The following GPAT3 variants were observed in gnomAD, a reference collection of about 807,000 sequenced individuals.
GPAT3 encodes the protein 1-AGP acyltransferase 9.
In GPAT3, 53 loss-of-function variants were observed where a neutral mutation model predicts 58.8. The observed-to-expected ratio is 0.90, with a 90% confidence interval of 0.72 to 1.13. The LOEUF (loss-of-function observed/expected upper bound fraction) is 1.13, where lower values mean the gene tolerates loss of function less well. Among genes scored for constraint, GPAT3 ranks in the 50% most tolerant of loss-of-function variants. The probability of loss-of-function intolerance (pLI) is 0.00; values close to 1 mark genes in which losing one functional copy is unlikely to be tolerated. For synonymous variants in GPAT3, 197 were observed against 187.4 expected (o/e 1.05, Z -0.42); for missense variants, 511 against 527.6 (o/e 0.97, Z 0.31).
chr4:83,536,959 G>T (rs1047690189), intron 1 of GPAT3, among the ~76,000 whole-genome samples, 196 bp downstream of exon 1: 1 of 152,224 alleles, frequency 6.6e-6, no homozygotes, highest in Non-Finnish European at 1.5e-5. Flanking sequence ...GAGGGATCTA[G>T]GCTGGAACCA....
intron 2 of GPAT3, among the ~76,000 whole-genome samples, chr4:83,580,380 A>G (rs1247667968): frequency 6.6e-6 from 1 of 152,162 alleles, no homozygotes; most frequent in East Asian, 1.9e-4. Flanking sequence ...ACATTATAGT[A>G]TTTGTTAATG....
intron 6 of GPAT3, among the ~76,000 whole-genome samples, chr4:83,591,735 A>G (rs1211652854): frequency 2.0e-5 from 3 of 152,142 alleles, no homozygotes; most frequent in Middle Eastern, 3.2e-3. Flanking sequence ...CTGTAATCCA[A>G]TCAGGTTAGG....
chr4:83,548,964 A>G (rs1724644340), intron 2 of GPAT3, among the ~76,000 whole-genome samples: 1 of 152,032 alleles, frequency 6.6e-6, no homozygotes, highest in South Asian at 2.1e-4. Flanking sequence ...TGACTACTTG[A>G]AATCCTGTAT....
intron 3 of GPAT3, among the ~76,000 whole-genome samples, chr4:83,583,248 C>T (rs1307697900): frequency 6.6e-6 from 1 of 151,498 alleles, no homozygotes; most frequent in Non-Finnish European, 1.5e-5. Flanking sequence ...GAGCTGTGAT[C>T]GTGCCACTGC....
Position 83,544,692 on chromosome 4 carries a change from A to C in GPAT3, c.208+90A>C, listed in dbSNP as rs995896255. The stretch of plus-strand genomic sequence containing the variant: ...TTTGAACTTGAAATATGCAGAGAGC[A>C]GTGTGTTCTATAGGGTTTGGATCTT... On this transcript the variant is annotated intron_variant, in intron 2 of 11. Coordinates refer to ENST00000264409, the MANE Select transcript of GPAT3 (RefSeq NM_032717.5). 1.6e-5 allele frequency: 20 copies of C among 1,245,640 alleles called. No individual in the cohort carries two copies. The African/African-American group carries it at 3.0e-4, about 19-fold the overall frequency. The allele number at this position is 1,245,640 out of a possible 1,614,324, so 77.2% of individuals were successfully genotyped here.
intron 2 of GPAT3, among the ~76,000 whole-genome samples, chr4:83,560,345 C>T (rs942120783): frequency 1.3e-5 from 2 of 152,194 alleles, no homozygotes; most frequent in East Asian, 3.8e-4. Context: ...GGTGGGTGGA[C>T]CTTGCCTCTG....
At chr4:83,579,679 A>G (rs1726033582) in intron 2 of GPAT3, among the ~76,000 whole-genome samples, 1 of 152,132 alleles carries the variant, frequency 6.6e-6, no homozygotes, top group Non-Finnish European at 1.5e-5. Context: ...CACACCTAAA[A>G]TCATAAAACA....
Position 83,555,561 on chromosome 4 carries a change from C to T in GPAT3, c.208+10959C>T, listed in dbSNP as rs551016127. On this transcript the variant is annotated intron_variant, in intron 2 of 11. Transcript: ENST00000264409. ...TGCTAGGGACCCTTCTGAACCTTGT[C>T]GTCAGTGCAGTATTCATCTGGCTGT... 1.4e-4 allele frequency among the ~76,000 whole-genome samples: 21 copies of T among 152,306 alleles called. No individual in the cohort carries two copies. The South Asian group carries it at 2.9e-3, about 21-fold the overall frequency.
chr4:83,598,513 T>A, intron 10 of GPAT3, 131 bp from the exon 11 acceptor site: 2 of 861,634 alleles, frequency 2.3e-6, no homozygotes, highest in Non-Finnish European at 1.9e-6. Flanking sequence ...TTGCTATGAT[T>A]GATTAAGAAT....
chr4:83,587,998 A>G (rs80250379), intron 4 of GPAT3, among the ~76,000 whole-genome samples: 58 of 152,244 alleles, frequency 3.8e-4, no homozygotes, highest in Admixed American at 2.3e-3. Context: ...CATTAGAGTT[A>G]TGTCCAGTTT....
intron 2 of GPAT3, among the ~76,000 whole-genome samples, chr4:83,556,313 C>T (rs1724937278): frequency 6.6e-6 from 1 of 152,108 alleles, no homozygotes; most frequent in African/African-American, 2.4e-5. Context: ...TTCTGGCCAA[C>T]ATGGTGGAAC....
At chr4:83,543,126 C>T (rs920380225) in intron 1 of GPAT3, among the ~76,000 whole-genome samples, 2 of 152,116 alleles carry the variant, frequency 1.3e-5, no homozygotes, top group East Asian at 1.9e-4. Flanking sequence ...AAGGTGAAAC[C>T]CGGTTTTTAC....
At chr4:83,588,003 C>T (rs570272091) in intron 4 of GPAT3, among the ~76,000 whole-genome samples, 3 of 152,068 alleles carry the variant, frequency 2.0e-5, no homozygotes, top group Non-Finnish European at 4.4e-5. Flanking sequence ...GAGTTATGTC[C>T]AGTTTTTTTG....
intron 2 of GPAT3, among the ~76,000 whole-genome samples, chr4:83,576,213 CTCTTA>C (rs1380836497): frequency 6.6e-6 from 1 of 152,116 alleles, no homozygotes; most frequent in Non-Finnish European, 1.5e-5. Context: ...TCTATCAAGT[CTCTTA>C]TCTAGTCTCT....
At chr4:83,585,970 C>T (rs540326495) in intron 3 of GPAT3, among the ~76,000 whole-genome samples, 28 of 151,422 alleles carry the variant, frequency 1.8e-4, no homozygotes, top group African/African-American at 6.4e-4. Flanking sequence ...AAAATGAATT[C>T]TGGAGCCCTG....
At chr4:83,564,112 A>G (rs1414244368) in intron 2 of GPAT3, among the ~76,000 whole-genome samples, 1 of 152,118 alleles carries the variant, frequency 6.6e-6, no homozygotes, top group Non-Finnish European at 1.5e-5. Flanking sequence ...GGCCTCTATT[A>G]TGGAGGCTAG....
Position 83,604,800 on chromosome 4 carries a change from A to C in GPAT3, c.*33A>C. 3 of 1,536,224 alleles carry C rather than the reference A, an allele frequency of 2.0e-6. No homozygotes were observed. The African/African-American group carries it at 4.2e-5, about 21-fold the overall frequency. On this transcript the variant is annotated 3_prime_UTR_variant, in exon 12 of 12. Transcript: ENST00000264409. ...GATGACAGCCTTTAGATCTAGAACT[A>C]GCCCTTAGAAATGGAATGGCTTTTT... is the stretch of plus-strand genomic sequence containing the variant.
rs767013067 is a variant in GPAT3 at position 83,598,071 on chromosome 4, T to C, written c.1017T>C (p.Asp339=). The part of the protein sequence containing the change: ...VAIKYNPQFG[D]AFWNSSKYNM... ...CTCAGTATAACCCTCAGTTCGGTGA[T>C]GCATTTTGGAACAGTAGTAAATACA... The change falls in exon 10 of 12, where the codon GAT becomes GAC. Residue 339 remains aspartate (D), a synonymous_variant. Coordinates refer to ENST00000264409, the MANE Select transcript of GPAT3 (RefSeq NM_032717.5). 5 of 1,613,748 alleles carry C rather than the reference T, an allele frequency of 3.1e-6. No homozygotes were observed. The South Asian group carries it at 5.5e-5, about 18-fold the overall frequency.
Position 83,536,115 on chromosome 4 carries a change from A to T in GPAT3, c.-508A>T. On this transcript the variant is annotated 5_prime_UTR_variant, in exon 1 of 12. Transcript: ENST00000264409. ...GGGCGCCCGAGCGCAGCCAGCTTCC[A>T]GCACAGCCCGCGGCCCGGTGCCAGC... 1.0e-6 allele frequency: 1 copy of T among 985,780 alleles called. No homozygotes were observed. Among genetic ancestry groups the T allele is most frequent in the Non-Finnish European group, 1.2e-6 (1 of 830,140 alleles). 61.1% of individuals were successfully genotyped at this position (985,780 alleles called of 1,614,324 possible).
Sources: allele counts gnomAD v4.1 joint callset (sites outside exome capture counted in the v4.1 genomes callset), GRCh38; gene constraint gnomAD v4.1.1; transcripts MANE v1.5; gene names NCBI Gene and HGNC (gene_info 2026-07-23, HGNC 2026-07-21).